Variants in RNF144B observed in about 807,000 individuals in gnomAD.
RNF144B encodes E3 ubiquitin-protein ligase RNF144B.
In RNF144B, 25 loss-of-function variants were observed where a neutral mutation model predicts 40.2. That is an observed-to-expected ratio of 0.62 (90% CI 0.45 to 0.87). RNF144B has a LOEUF of 0.87. Among genes scored for constraint, RNF144B ranks in the 40% least tolerant of loss-of-function variants. RNF144B has a pLI of 0.00. For missense variants in RNF144B, 365 were observed against 373.7 expected (o/e 0.98, Z 0.19); for synonymous variants, 145 against 136.3 (o/e 1.06, Z -0.44).
chr6:18,448,598 T>C lies in RNF144B; in HGVS notation c.332-8557T>C, dbSNP rs57611781. Among the ~76,000 whole-genome samples, 18,256 of 152,064 alleles carry C rather than the reference T, an allele frequency of 0.12. 1,316 individuals are homozygous for C. Among genetic ancestry groups the C allele is most frequent in the Admixed American group, 0.19 (2,912 of 15,254 alleles). ...TCATAAATCATCCAGCAGATATTTA[T>C]AGAGCACCAACTTTGTGTAAGTCAC... is the stretch of plus-strand genomic sequence containing the variant. On this transcript the variant is annotated intron_variant, in intron 4 of 7. Coordinates refer to ENST00000259939, the MANE Select transcript of RNF144B (RefSeq NM_182757.4). This position sits in a 1 kb window ranked among gnomAD's most constrained non-coding sequence, Gnocchi z 4.0.
chr6:18,456,922 C>T lies in RNF144B; in HGVS notation c.332-233C>T, dbSNP rs1428170699. 6.6e-6 allele frequency among the ~76,000 whole-genome samples: 1 copy of T among 151,958 alleles called. No individual in the cohort carries two copies. Among genetic ancestry groups the T allele is most frequent in the Non-Finnish European group, 1.5e-5 (1 of 68,002 alleles). On this transcript the variant is annotated intron_variant, in intron 4 of 7. Coordinates refer to ENST00000259939, the MANE Select transcript of RNF144B (RefSeq NM_182757.4). The surrounding 1 kb of genome is among the most constrained non-coding windows in gnomAD (Gnocchi z 4.7). ...ACTAAAAATACAAAAATGAGCCAGGCGTGATGGTGCGCACCTGTAGTCCCA... is the reference window on the plus strand; with the variant it reads ...ACTAAAAATACAAAAATGAGCCAGGTGTGATGGTGCGCACCTGTAGTCCCA...
chr6:18,426,074 A>G (rs572139793), intron 2 of RNF144B, among the ~76,000 whole-genome samples: 18 of 152,214 alleles, frequency 1.2e-4, no homozygotes, highest in Non-Finnish European at 2.4e-4. Context: ...AAAAATGAGT[A>G]AAGATGGTCA....
rs1182697173 is a variant in RNF144B, at chr6:18,400,940, G to A, written c.165+1241G>A. Among the ~76,000 whole-genome samples, 1 of 152,122 alleles carries A rather than the reference G, an allele frequency of 6.6e-6. No individual in the cohort carries two copies. Among genetic ancestry groups the A allele is most frequent in the Non-Finnish European group, 1.5e-5 (1 of 68,030 alleles). On this transcript the variant is annotated intron_variant, in intron 2 of 7. Transcript: ENST00000259939. The surrounding 1 kb of genome is among the most constrained non-coding windows in gnomAD (Gnocchi z 5.6). ...GTGTGTGTTGCTTTATAGGAAGTGA[G>A]GAAATGGCCTTGTCATCTCAGAGCA...
At chr6:18,453,523 A>T (rs572979345) in intron 4 of RNF144B, among the ~76,000 whole-genome samples, 12 of 151,928 alleles carry the variant, frequency 7.9e-5, no homozygotes, top group South Asian at 2.1e-4. Flanking sequence ...TATTTTTTTT[A>T]AAAAAGCTAT....
chr6:18,387,980 G>T (rs1794497274), intron 1 of RNF144B, among the ~76,000 whole-genome samples: 1 of 152,130 alleles, frequency 6.6e-6, no homozygotes, highest in South Asian at 2.1e-4. Flanking sequence ...ATTTTATCAG[G>T]TAATTGCTAA....
In RNF144B at chr6:18,410,113, A is replaced by C. The variant is rs899190187; in HGVS notation, c.165+10414A>C. Among the ~76,000 whole-genome samples the C allele has an allele frequency of 1.3e-5, 2 of 152,212 alleles. No homozygotes were observed. Among genetic ancestry groups the C allele is most frequent in the Non-Finnish European group, 2.9e-5 (2 of 68,038 alleles). On this transcript the variant is annotated intron_variant, in intron 2 of 7. Transcript: ENST00000259939. The surrounding 1 kb of genome is among the most constrained non-coding windows in gnomAD (Gnocchi z 4.6). ...ATGTAATAGGCTGGCCAAACATGCA[A>C]ATCATGACCAGAGAGCAGGCAAAAG...
At chr6:18,455,567 A>T (rs1156530676) in intron 4 of RNF144B, among the ~76,000 whole-genome samples, 5 of 152,132 alleles carry the variant, frequency 3.3e-5, no homozygotes, top group East Asian at 3.9e-4. Context: ...GAGCCCTAGG[A>T]CGTTTAAAAC....
At position 18,468,239 on chromosome 6, in the gene RNF144B, AGCACAATATCTT is replaced by A. The variant is rs1277112195; in HGVS notation, c.*3175_*3186del. The A allele has an allele frequency of 1.3e-5, 2 of 152,224 alleles. No homozygotes were observed. Among genetic ancestry groups the A allele is most frequent in the African/African-American group, 4.8e-5 (2 of 41,460 alleles). The allele number at this position is 152,224 out of a possible 1,614,324, so 9.4% of individuals were successfully genotyped here. On this transcript the variant is annotated 3_prime_UTR_variant, in exon 8 of 8. Coordinates refer to ENST00000259939, the MANE Select transcript of RNF144B (RefSeq NM_182757.4). ...ATCTAGAAATCCTATGAAACGTATT[AGCACAATATCTT>A]GCCATTGTCCCATCTAGGAAATTTT...
chr6:18,425,581 A>AAAT lies in RNF144B; in HGVS notation c.166-1999_166-1997dup, dbSNP rs761088972. Among the ~76,000 whole-genome samples, 13 of 152,118 alleles carry AAAT rather than the reference A, an allele frequency of 8.5e-5. No individual in the cohort carries two copies. The highest frequency in any genetic ancestry group is 1.5e-4 in the Non-Finnish European group (10 of 68,020). ...TGCTGGATACCATGTTTGGCACAGT[A>AAAT]AATCCTAGAGCAAGTGATTTTTCAC... On this transcript the variant is annotated intron_variant, in intron 2 of 7. Coordinates refer to ENST00000259939, the MANE Select transcript of RNF144B (RefSeq NM_182757.4). The surrounding 1 kb of genome is among the most constrained non-coding windows in gnomAD (Gnocchi z 4.2).
At chr6:18,463,957 A>G (rs1262173983) in intron 7 of RNF144B, among the ~76,000 whole-genome samples, 1 of 152,116 alleles carries the variant, frequency 6.6e-6, no homozygotes, top group Admixed American at 6.5e-5. Flanking sequence ...TACCACAAGA[A>G]CGGTATGGGG....
chr6:18,412,327 T>C lies in RNF144B; in HGVS notation c.165+12628T>C, dbSNP rs757479330. On this transcript the variant is annotated intron_variant, in intron 2 of 7. Transcript: ENST00000259939. This position sits in a 1 kb window ranked among gnomAD's most constrained non-coding sequence, Gnocchi z 4.2. ...ATCTCATGGTTTAATCCATACTTCC[T>C]CTTTTTAGGAGGAAGCAAATTGTTG... Among the ~76,000 whole-genome samples, 5 of 152,196 alleles carry C rather than the reference T, an allele frequency of 3.3e-5. No individual in the cohort carries two copies. Among genetic ancestry groups the C allele is most frequent in the Non-Finnish European group, 5.9e-5 (4 of 68,028 alleles).
rs1759015529 is a variant in RNF144B at position 18,443,654 on chromosome 6, G to GATTTCAAA, written c.331+3910_331+3911insATTTCAAA. On this transcript the variant is annotated intron_variant, in intron 4 of 7. Transcript: ENST00000259939. This position sits in a 1 kb window ranked among gnomAD's most constrained non-coding sequence, Gnocchi z 4.7. Reference sequence around the variant, plus strand: ...TGGAAAATGGACATTTCAAATAAGAGTAAATTTAAGTTAATGAAGTGCTAC... The same window carrying GATTTCAAA: ...TGGAAAATGGACATTTCAAATAAGAGATTTCAAATAAATTTAAGTTAATGAAGTGCTAC... Among the ~76,000 whole-genome samples, 1 of 151,992 alleles carries GATTTCAAA rather than the reference G, an allele frequency of 6.6e-6. No individual in the cohort carries two copies. The highest frequency in any genetic ancestry group is 2.4e-5 in the African/African-American group (1 of 41,374).
At position 18,448,964 on chromosome 6, in the gene RNF144B, C is replaced by T. The variant is rs769332434; in HGVS notation, c.332-8191C>T. 6.6e-6 allele frequency among the ~76,000 whole-genome samples: 1 copy of T among 152,154 alleles called. No homozygotes were observed. The highest frequency in any genetic ancestry group is 1.5e-5 in the Non-Finnish European group (1 of 68,032). ...ACTAATTCTTGTGTAGAACCTGCTT[C>T]ATGTCAGGCACTGTGTTAAGTGTCT... On this transcript the variant is annotated intron_variant, in intron 4 of 7. Transcript: ENST00000259939. The surrounding 1 kb of genome is among the most constrained non-coding windows in gnomAD (Gnocchi z 4.0).
At position 18,406,483 on chromosome 6, in the gene RNF144B, TG is replaced by T. The variant is rs1794910647; in HGVS notation, c.165+6785del. Among the ~76,000 whole-genome samples, 1 of 150,222 alleles carries T rather than the reference TG, an allele frequency of 6.7e-6. No individual in the cohort carries two copies. The highest frequency in any genetic ancestry group is 2.4e-5 in the African/African-American group (1 of 40,824). Reference sequence around the variant, plus strand: ...GTGTGTGTGTGTGTGTGTGTGTGTGTGTGTGTGTGTGTGTGTGTAGGGGGAG... The same window carrying T: ...GTGTGTGTGTGTGTGTGTGTGTGTGTTGTGTGTGTGTGTGTGTAGGGGGAG... On this transcript the variant is annotated intron_variant, in intron 2 of 7. Coordinates refer to ENST00000259939, the MANE Select transcript of RNF144B (RefSeq NM_182757.4). This position sits in a 1 kb window ranked among gnomAD's most constrained non-coding sequence, Gnocchi z 4.2.
rs563424795 is a variant in RNF144B at position 18,464,636 on chromosome 6, ATT to A, written c.772-285_772-284del. ...CTCTCTTCCTGGTTTGAAGATGGCC[ATT>A]TTTTTGCTGTGTCTTCACATGGCAT... On this transcript the variant is annotated intron_variant, in intron 7 of 7. Transcript: ENST00000259939. This position sits in a 1 kb window ranked among gnomAD's most constrained non-coding sequence, Gnocchi z 6.1. 1.3e-5 allele frequency among the ~76,000 whole-genome samples: 2 copies of A among 152,120 alleles called. No individual in the cohort carries two copies. Among genetic ancestry groups the A allele is most frequent in the African/African-American group, 4.8e-5 (2 of 41,424 alleles).
At chr6:18,411,135 C>T (rs1795024387) in intron 2 of RNF144B, among the ~76,000 whole-genome samples, 2 of 151,840 alleles carry the variant, frequency 1.3e-5, no homozygotes, top group South Asian at 4.1e-4. Flanking sequence ...CAGGCACGTG[C>T]CACCACTCCC....
Position 18,457,034 on chromosome 6 carries a change from C to A in RNF144B, c.332-121C>A. The A allele has an allele frequency of 1.2e-6, 1 of 846,114 alleles. No homozygotes were observed. The highest frequency in any genetic ancestry group is 2.0e-6 in the Non-Finnish European group (1 of 498,704). The allele number at this position is 846,114 out of a possible 1,614,324, so 52.4% of individuals were successfully genotyped here. The stretch of plus-strand genomic sequence containing the variant: ...TGAAATCATGCCACTGTACTCCAGC[C>A]TGGGCGACAGAGTGAGACTCTGGTT... On this transcript the variant is annotated intron_variant, in intron 4 of 7. Transcript: ENST00000259939. The surrounding 1 kb of genome is among the most constrained non-coding windows in gnomAD (Gnocchi z 5.1).
In RNF144B at chr6:18,419,702, G is replaced by A. The variant is rs545711783; in HGVS notation, c.166-7879G>A. On this transcript the variant is annotated intron_variant, in intron 2 of 7. Transcript: ENST00000259939. This position sits in a 1 kb window ranked among gnomAD's most constrained non-coding sequence, Gnocchi z 4.6. ...AGCCACTTCAGTTGAGTGGCAGGGA[G>A]GAGTTGGGATGGGATTGGTGAAGGA... Among the ~76,000 whole-genome samples, 28 of 152,294 alleles carry A rather than the reference G, an allele frequency of 1.8e-4. No individual in the cohort carries two copies. The highest frequency in any genetic ancestry group is 6.7e-4 in the African/African-American group (28 of 41,576).
intron 4 of RNF144B, among the ~76,000 whole-genome samples, chr6:18,440,094 T>C (rs1359887752): frequency 6.6e-6 from 1 of 152,170 alleles, no homozygotes; most frequent in Non-Finnish European, 1.5e-5. Context: ...TTCTTGAAGA[T>C]CACTTCGAAA....
Sources: allele counts gnomAD v4.1 joint callset (sites outside exome capture counted in the v4.1 genomes callset), GRCh38; gene constraint gnomAD v4.1.1; non-coding constraint Gnocchi (gnomAD v3.1); transcripts MANE v1.5; gene names NCBI Gene and HGNC (gene_info 2026-07-23, HGNC 2026-07-21).